The following C17orf78 variants were observed in gnomAD, a reference collection of about 807,000 sequenced individuals.
The protein encoded by C17orf78 is chromosome 17 open reading frame 78, also known as uncharacterized protein C17orf78.
A neutral mutation model predicts 31.8 loss-of-function variants in C17orf78; 27 were observed. That is an observed-to-expected ratio of 0.85 (90% CI 0.63 to 1.17). The LOEUF is 1.17. Ranked by LOEUF, C17orf78 falls within the 50% of genes most tolerant of loss-of-function variation. The probability of loss-of-function intolerance (pLI) is 0.00; values close to 1 mark genes in which losing one functional copy is unlikely to be tolerated. For synonymous variants in C17orf78, 106 were observed against 115.1 expected (o/e 0.92, Z 0.51); for missense variants, 258 against 315.2 (o/e 0.82, Z 1.37).
At chr17:37,376,194 G>T (rs1247796481) in intron 1 of C17orf78, 44 bp downstream of exon 1, 3 of 1,531,064 alleles carry the variant, frequency 2.0e-6, no homozygotes, top group Non-Finnish European at 2.7e-6. Context: ...TACAGAGAGA[G>T]GCCTAGAAAG....
At chr17:37,390,304 T>TTTTATATATATATATATTATATATATA (rs1201500381) in intron 6 of C17orf78, among the ~76,000 whole-genome samples, 3 of 17,976 alleles carry the variant, frequency 1.7e-4, no homozygotes, top group African/African-American at 3.8e-4. Flanking sequence ...TTATACATAA[T>TTTTATATATATATATATTATATATATA]TATATATATA....
At chr17:37,382,349 T>C (rs1010844548) in intron 3 of C17orf78, among the ~76,000 whole-genome samples, 2 of 151,910 alleles carry the variant, frequency 1.3e-5, no homozygotes, top group African/African-American at 4.8e-5. Flanking sequence ...CTTTCTTTTT[T>C]TCATATAGTT....
At chr17:37,390,242 T>A (rs1597786227) in intron 6 of C17orf78, among the ~76,000 whole-genome samples, 2 of 48,612 alleles carry the variant, frequency 4.1e-5, no homozygotes, top group African/African-American at 1.3e-4. Context: ...ATATAATATA[T>A]TATATATATA....
intron 3 of C17orf78, among the ~76,000 whole-genome samples, chr17:37,382,671 C>A (rs1034959578): frequency 6.6e-6 from 1 of 152,072 alleles, no homozygotes; most frequent in African/African-American, 2.4e-5. Flanking sequence ...ACCATCCTGG[C>A]CAACATGGTA....
At chr17:37,389,520 T>C (rs911941692) in intron 6 of C17orf78, among the ~76,000 whole-genome samples, 158 bp downstream of exon 6, 1 of 152,022 alleles carries the variant, frequency 6.6e-6, no homozygotes, top group Non-Finnish European at 1.5e-5. Flanking sequence ...GACGAAACCC[T>C]GTCTCTACTA....
At position 37,391,947 on chromosome 17, in the gene C17orf78, G is replaced by T; in HGVS notation, c.*223G>T. The T allele has an allele frequency of 1.8e-6, 1 of 550,946 alleles. No homozygotes were observed. 34.1% of individuals were successfully genotyped at this position (550,946 alleles called of 1,614,324 possible). ...ATTCACTTCATACATCCATCTAAAT[G>T]GATACCTTTCCATCCCCTCAAACGA... On this transcript the variant is annotated 3_prime_UTR_variant, in exon 7 of 7. Transcript: ENST00000615133.
chr17:37,390,573 G>A (rs1414106891), intron 6 of C17orf78, among the ~76,000 whole-genome samples: 1 of 149,482 alleles, frequency 6.7e-6, no homozygotes, highest in Non-Finnish European at 1.5e-5. Flanking sequence ...GTTGTGGTGA[G>A]CCGAGATTGC....
At chr17:37,386,570 C>T (rs953572368) in intron 4 of C17orf78, among the ~76,000 whole-genome samples, 12 of 151,846 alleles carry the variant, frequency 7.9e-5, no homozygotes, top group South Asian at 4.2e-4. Context: ...CCAGCAGGGG[C>T]GACAGAGTGA....
At chr17:37,377,654 C>A (rs907116267) in intron 1 of C17orf78, among the ~76,000 whole-genome samples, 1 of 137,186 alleles carries the variant, frequency 7.3e-6, no homozygotes. Flanking sequence ...AGTGAGACTC[C>A]GTCTCAATAA....
At position 37,389,274 on chromosome 17, in the gene C17orf78, G is replaced by A; in HGVS notation, c.662G>A (p.Cys221Tyr). The A allele has an allele frequency of 6.3e-7, 1 of 1,595,142 alleles. No individual in the cohort carries two copies. The highest frequency in any genetic ancestry group is 8.5e-7 in the Non-Finnish European group (1 of 1,170,968). The change falls in exon 6 of 7, where the codon TGC (cysteine) becomes TAC (tyrosine). Residue 221 changes from cysteine (C) to tyrosine (Y), a missense_variant. Cys to Tyr is a radical substitution (Grantham distance 194). Coordinates refer to ENST00000615133, the MANE Select transcript of C17orf78 (RefSeq NM_173625.5). Reference sequence around the variant, plus strand: ...CAATGCCTAGGAGCCAGGAAGCTGTGCCAATGCCAGTGGTTGTGGAGATGG... The same window carrying A: ...CAATGCCTAGGAGCCAGGAAGCTGTACCAATGCCAGTGGTTGTGGAGATGG... The part of the protein sequence containing the change: ...PYQCLGARKL[C>Y]QCQWLWRWQK...
intron 6 of C17orf78, among the ~76,000 whole-genome samples, chr17:37,390,175 T>TATACACACACAC (rs60788220): frequency 6.5e-4 from 29 of 44,500 alleles, no homozygotes; most frequent in African/African-American, 3.3e-3. Flanking sequence ...TATATATATA[T>TATACACACACAC]ACACACACAC....
intron 6 of C17orf78, among the ~76,000 whole-genome samples, chr17:37,390,330 A>ATATATCTATATATC (rs1386032855): frequency 0.13 from 5,593 of 41,590 alleles, 885 homozygotes; most frequent in East Asian, 0.42. Flanking sequence ...ATATATATAT[A>ATATATCTATATATC]TATAAAAGGC....
At position 37,388,812 on chromosome 17, in the gene C17orf78, T is replaced by C. The variant is rs185893602; in HGVS notation, c.633+18T>C. 164 of 1,612,080 alleles carry C rather than the reference T, an allele frequency of 1.0e-4. 1 individual carries two copies. The East Asian group carries it at 3.1e-3, about 30-fold the overall frequency. On this transcript the variant is annotated intron_variant, in intron 5 of 6. Transcript: ENST00000615133. ...CATGTCCTGTAAGTTTGCTGTTGTA[T>C]TGAATCCTTGAACTTGACCCATAAA...
At position 37,376,166 on chromosome 17, in the gene C17orf78, G is replaced by A. The variant is rs1325366270; in HGVS notation, c.58+16G>A. The A allele has an allele frequency of 1.9e-6, 3 of 1,599,924 alleles. No homozygotes were observed. In the African/African-American group the frequency reaches 4.0e-5, roughly 21 times the overall value. On this transcript the variant is annotated intron_variant, in intron 1 of 6. Coordinates refer to ENST00000615133, the MANE Select transcript of C17orf78 (RefSeq NM_173625.5). ...AACAAGAAAGGTATGTAATTCTCTA[G>A]CCTAATCTCCTGGAAAATACAGAGA...
Position 37,377,873 on chromosome 17 carries a change from C to T in C17orf78, c.59-6C>T. 6.2e-7 allele frequency: 1 copy of T among 1,612,850 alleles called. No individual in the cohort carries two copies. Among genetic ancestry groups the T allele is most frequent in the Non-Finnish European group, 8.5e-7 (1 of 1,179,152 alleles). Reference sequence around the variant, plus strand: ...GTTCCCCTCCTCCCCCTCTGCTCACCCCCAGACCTCAGAGATAGCAGTTGC... The same window carrying T: ...GTTCCCCTCCTCCCCCTCTGCTCACTCCCAGACCTCAGAGATAGCAGTTGC... On this transcript the variant is annotated splice_polypyrimidine_tract_variant and splice_region_variant and intron_variant, in intron 1 of 6. Coordinates refer to ENST00000615133, the MANE Select transcript of C17orf78 (RefSeq NM_173625.5).
Position 37,388,802 on chromosome 17 carries a change from T to C in C17orf78, c.633+8T>C, listed in dbSNP as rs1231610686. Reference sequence around the variant, plus strand: ...TTTGAAGTCCCATGTCCTGTAAGTTTGCTGTTGTATTGAATCCTTGAACTT... The same window carrying C: ...TTTGAAGTCCCATGTCCTGTAAGTTCGCTGTTGTATTGAATCCTTGAACTT... On this transcript the variant is annotated splice_region_variant and intron_variant, in intron 5 of 6. Transcript: ENST00000615133. 2 of 1,612,846 alleles carry C rather than the reference T, an allele frequency of 1.2e-6. No individual in the cohort carries two copies. Among genetic ancestry groups the C allele is most frequent in the Admixed American group, 3.3e-5 (2 of 59,858 alleles).
At chr17:37,378,260 A>C (rs900334655) in intron 2 of C17orf78, among the ~76,000 whole-genome samples, 1 of 152,214 alleles carries the variant, frequency 6.6e-6, no homozygotes, top group African/African-American at 2.4e-5. Context: ...TACTGCTGTC[A>C]CCAACCTTCA....
chr17:37,379,627 C>A (rs2050157701), intron 3 of C17orf78, among the ~76,000 whole-genome samples: 3 of 152,010 alleles, frequency 2.0e-5, no homozygotes, highest in African/African-American at 7.2e-5. Context: ...CATGAACAGA[C>A]ACTTCTCAAA....
chr17:37,376,211 G>A (rs770317044), intron 1 of C17orf78, 61 bp downstream of exon 1: 71 of 1,415,252 alleles, frequency 5.0e-5, no homozygotes, highest in Admixed American at 6.7e-5. Context: ...AAAGAGTTTC[G>A]GGGTCTCTTC....
Sources: allele counts gnomAD v4.1 joint callset (sites outside exome capture counted in the v4.1 genomes callset), GRCh38; gene constraint gnomAD v4.1.1; transcripts MANE v1.5; gene names NCBI Gene and HGNC (gene_info 2026-07-23, HGNC 2026-07-21).